The following SPTBN5 variants were observed in gnomAD, a reference collection of about 807,000 sequenced individuals.
SPTBN5 encodes the protein spectrin beta chain, non-erythrocytic 5.
Under a neutral mutation model 477.6 loss-of-function variants are expected in SPTBN5, and 513 were observed. The observed-to-expected ratio is 1.07, with a 90% CI of 1.00 to 1.16. SPTBN5 has a LOEUF of 1.16. Ranked by LOEUF, SPTBN5 falls within the 50% of genes most tolerant of loss-of-function variation. The pLI is 0.00. For synonymous variants in SPTBN5, 2,169 were observed against 2,011.7 expected (o/e 1.08, Z -2.09); for missense variants, 5,062 against 4,731.8 (o/e 1.07, Z -2.05).
rs377107984 is a variant in SPTBN5, at chr15:41,888,078, A to G, written c.509T>C (p.Phe170Ser). ...GGACAGCAGGGCTGCGCTGGCCCCA[A>G]ACTCCTCCTGGCGGGACAGGGCAGC... ...ISHISLDKEE[F>S]GASAALLSTK... The change falls in exon 5 of 68, where the codon TTT becomes TCT. Residue 170 changes from phenylalanine to serine, a missense_variant. Coordinates refer to ENST00000320955, the MANE Select transcript of SPTBN5 (RefSeq NM_016642.4). 1.4e-4 allele frequency: 225 copies of G among 1,570,452 alleles called. 4 individuals carry two copies. The South Asian group carries it at 2.3e-3, about 16-fold the overall frequency.
chr15:41,869,701 A>G (rs2066463972), intron 32 of SPTBN5, 140 bp downstream of exon 32: 2 of 897,504 alleles, frequency 2.2e-6, no homozygotes, highest in East Asian at 6.6e-5. Context: ...CCAGACTGAC[A>G]TCCCGTGTGC....
Position 41,856,848 on chromosome 15 carries a change from C to G in SPTBN5, c.8808+5G>C. On this transcript the variant is annotated splice_donor_5th_base_variant and intron_variant, in intron 52 of 67. Coordinates refer to ENST00000320955, the MANE Select transcript of SPTBN5 (RefSeq NM_016642.4). ...GAGGCCAGCCCTCCCCGGGTGGGCC[C>G]ACACCTGGTGCTGCTCCTGCAGGTG... The G allele has an allele frequency of 6.5e-7, 1 of 1,542,630 alleles. No individual in the cohort carries two copies. The highest frequency in any genetic ancestry group is 8.8e-7 in the Non-Finnish European group (1 of 1,140,902).
Position 41,862,608 on chromosome 15 carries a change from T to C in SPTBN5, c.7316A>G (p.His2439Arg). The change falls in exon 43 of 68, where the codon CAC (histidine) becomes CGC (arginine). Residue 2439 changes from histidine to arginine, a missense_variant. Transcript: ENST00000320955. The part of the protein sequence containing the change: ...RLCQRSPEAA[H>R]GLRHRQQEVA... ...CTCCTGCTGCCTGTGCCTGAGGCCG[T>C]GGGCTGCCTCGGGGCTTCTTTGGCA... 1 of 1,559,482 alleles carries C rather than the reference T, an allele frequency of 6.4e-7. No individual in the cohort carries two copies. The highest frequency in any genetic ancestry group is 8.7e-7 in the Non-Finnish European group (1 of 1,152,996).
chr15:41,851,602 G>A (rs2065767196), intron 63 of SPTBN5, among the ~76,000 whole-genome samples, 177 bp downstream of exon 63: 1 of 150,988 alleles, frequency 6.6e-6, no homozygotes, highest in Non-Finnish European at 1.5e-5. Flanking sequence ...GGTAGGTGGG[G>A]GCGGTGGCAG....
rs749662581 is a variant in SPTBN5 at position 41,868,078 on chromosome 15, C to T, written c.6198G>A (p.Ala2066=). The change falls in exon 34 of 68, where the codon GCG becomes GCA. Residue 2066 remains alanine (A), a synonymous_variant. Transcript: ENST00000320955. ...RECGRLEEIL[A]AQEVSLKTSA... ...GCGGGAGGGGACCTGCCTCCTGGGC[C>T]GCGAGGATCTCCTCCAGGCGGCCGC... The T allele has an allele frequency of 1.1e-5, 17 of 1,601,480 alleles. No homozygotes were observed. The South Asian group carries it at 1.3e-4, about 13-fold the overall frequency.
chr15:41,890,333 C>T (rs2067273046), intron 3 of SPTBN5, 128 bp from the exon 4 acceptor site: 1 of 670,062 alleles, frequency 1.5e-6, no homozygotes, highest in East Asian at 2.7e-5. Context: ...GCTGGGAGTT[C>T]CCTCAGGGAG....
chr15:41,868,709 G>T, intron 32 of SPTBN5, 108 bp from the exon 33 acceptor site: 1 of 1,125,348 alleles, frequency 8.9e-7, no homozygotes, highest in Non-Finnish European at 1.3e-6. Context: ...CACAGCCCGA[G>T]CCGACCTGGG....
intron 34 of SPTBN5, among the ~76,000 whole-genome samples, 162 bp from the exon 35 acceptor site, chr15:41,867,804 C>T (rs765510507): frequency 2.0e-5 from 3 of 152,196 alleles, no homozygotes; most frequent in Non-Finnish European, 4.4e-5. Context: ...TGGGAGGCTG[C>T]GATACCTCAA....
At chr15:41,881,501 C>A (rs1454740656) in intron 12 of SPTBN5, among the ~76,000 whole-genome samples, 1 of 152,124 alleles carries the variant, frequency 6.6e-6, no homozygotes, top group Non-Finnish European at 1.5e-5. Flanking sequence ...CCAAGCTATA[C>A]GTGTTTTAAA....
chr15:41,869,973 C>A lies in SPTBN5; in HGVS notation c.5721G>T (p.Pro1907=), dbSNP rs767762470. The change falls in exon 32 of 68, where the codon CCG becomes CCT. Residue 1907 remains proline, a synonymous_variant. Coordinates refer to ENST00000320955, the MANE Select transcript of SPTBN5 (RefSeq NM_016642.4). Reference sequence around the variant, plus strand: ...GCTGCACCGCATGGGCCTGAGGCCCCGGACACAGCTTCTGCACCCTGCCTG... The same window carrying A: ...GCTGCACCGCATGGGCCTGAGGCCCAGGACACAGCTTCTGCACCCTGCCTG... ...ETAGRVQKLC[P]GPQAHAVQQR... is the part of the protein sequence containing the mutation. 1.3e-6 allele frequency: 2 copies of A among 1,536,064 alleles called. No individual in the cohort carries two copies. Among genetic ancestry groups the A allele is most frequent in the East Asian group, 2.4e-5 (1 of 42,066 alleles).
rs772674545 is a variant in SPTBN5 at position 41,851,339 on chromosome 15, C to T, written c.10687G>A (p.Gly3563Arg). Residue 3563 changes from glycine to arginine, a missense_variant, in exon 64 of 68, where the codon GGG becomes AGG. Gly to Arg is a moderately radical substitution (Grantham distance 125, BLOSUM62 -2). Coordinates refer to ENST00000320955, the MANE Select transcript of SPTBN5 (RefSeq NM_016642.4). The stretch of plus-strand genomic sequence containing the variant: ...CTCAGAGAGCTGCCCTGCAAGTTCC[C>T]GCGGCAGCTGTCCCAGGAGCTCGAG... ...PSSSSWDSCR[G>R]NLQGSSLSLF... 19 of 1,550,812 alleles carry T rather than the reference C, an allele frequency of 1.2e-5. No homozygotes were observed. The highest frequency in any genetic ancestry group is 7.1e-5 in the South Asian group (6 of 84,046).
chr15:41,878,222 G>C (rs1242254123), intron 17 of SPTBN5, 120 bp downstream of exon 17: 5 of 1,255,170 alleles, frequency 4.0e-6, no homozygotes, highest in Non-Finnish European at 5.4e-6. Flanking sequence ...ACACCAACCA[G>C]TCTGGGCCCC....
intron 55 of SPTBN5, 117 bp downstream of exon 55, chr15:41,855,107 C>T: frequency 7.0e-7 from 1 of 1,431,490 alleles, no homozygotes; most frequent in Non-Finnish European, 9.4e-7. Context: ...CGGGATCCTC[C>T]CTAGGACACC....
intron 21 of SPTBN5, 123 bp from the exon 22 acceptor site, chr15:41,875,745 G>T: frequency 9.5e-7 from 1 of 1,052,348 alleles, no homozygotes; most frequent in Non-Finnish European, 1.3e-6. Flanking sequence ...TCCACGGGCT[G>T]CCTGGAAGAA....
rs550372573 is a variant in SPTBN5 at position 41,850,439 on chromosome 15, ACAACT to A, written c.10921+410_10921+414del. On this transcript the variant is annotated intron_variant, in intron 66 of 67. Coordinates refer to ENST00000320955, the MANE Select transcript of SPTBN5 (RefSeq NM_016642.4). Reference sequence around the variant, plus strand: ...ACCTGGCTTGCTTACTGTCTGCAAAACAACTCAAGGGTGGTGACATTCAAAGTTGT... The same window carrying A: ...ACCTGGCTTGCTTACTGTCTGCAAAACAAGGGTGGTGACATTCAAAGTTGT... 120 of 229,488 alleles carry A rather than the reference ACAACT, an allele frequency of 5.2e-4. No individual in the cohort carries two copies. In the South Asian group the frequency reaches 0.01, roughly 20 times the overall value. 14.2% of individuals were successfully genotyped at this position (229,488 alleles called of 1,614,324 possible). A position where few individuals can be genotyped will look rare whatever the true frequency, so the allele number is the denominator to read the frequency against.
At chr15:41,866,890 T>C (rs1401211517) in intron 36 of SPTBN5, 69 bp downstream of exon 36, 3 of 1,478,644 alleles carry the variant, frequency 2.0e-6, no homozygotes, top group Non-Finnish European at 2.7e-6. Context: ...AGTGTTGCGG[T>C]GTGAAGGCGG....
chr15:41,871,441 G>T lies in SPTBN5; in HGVS notation c.5381C>A (p.Ala1794Glu). The T allele has an allele frequency of 6.5e-7, 1 of 1,540,890 alleles. No homozygotes were observed. The highest frequency in any genetic ancestry group is 1.4e-5 in the African/African-American group (1 of 72,724). The change falls in exon 29 of 68, where the codon GCG becomes GAG. Residue 1794 changes from alanine to glutamate, a missense_variant. Ala to Glu is a moderately radical substitution (Grantham distance 107, BLOSUM62 -1). Coordinates refer to ENST00000320955, the MANE Select transcript of SPTBN5 (RefSeq NM_016642.4). ...SQRVAACRLL[A>E]ESLLERGHSA... ...GTGCCCACGCTCTAGCAGGCTCTCC[G>T]CCAGCAGCCGGCAGGCGGCCACCCG...
Position 41,876,663 on chromosome 15 carries a change from G to C in SPTBN5, c.3852-16C>G, listed in dbSNP as rs746736367. 14 of 1,431,692 alleles carry C rather than the reference G, an allele frequency of 9.8e-6. No individual in the cohort carries two copies. Among genetic ancestry groups the C allele is most frequent in the Admixed American group, 3.5e-5 (2 of 56,790 alleles). The allele number at this position is 1,431,692 out of a possible 1,614,324, so 88.7% of individuals were successfully genotyped here. Reference sequence around the variant, plus strand: ...CTCTCTGACCCTGGAGGGCGGGGGGGGGTTGGAGGAGGGCATGGGAGAGGA... The same window carrying C: ...CTCTCTGACCCTGGAGGGCGGGGGGCGGTTGGAGGAGGGCATGGGAGAGGA... On this transcript the variant is annotated splice_polypyrimidine_tract_variant and intron_variant, in intron 19 of 67. Transcript: ENST00000320955.
intron 56 of SPTBN5, among the ~76,000 whole-genome samples, 199 bp from the exon 57 acceptor site, chr15:41,854,404 G>A (rs1053505644): frequency 6.6e-6 from 1 of 151,818 alleles, no homozygotes; most frequent in Non-Finnish European, 1.5e-5. Context: ...AGGCCAGGGG[G>A]TGGGGAGGGT....
Sources: gnomAD v4.1 joint callset for allele counts (sites outside exome capture counted in the v4.1 genomes callset) on GRCh38, gnomAD v4.1.1 for gene constraint, MANE v1.5 for transcripts, NCBI Gene and HGNC (gene_info 2026-07-23, HGNC 2026-07-21) for gene names.